AARS2: variants seen among roughly 807,000 people sequenced by gnomAD.
AARS2 encodes the protein alanyl-tRNA synthetase 2, mitochondrial, also known as alanine--tRNA ligase, mitochondrial.
In AARS2, 78 loss-of-function variants were observed where a neutral mutation model predicts 119.7. The observed-to-expected ratio is 0.65, with a 90% CI of 0.54 to 0.79. The LOEUF (loss-of-function observed/expected upper bound fraction) is 0.79. Among genes scored for constraint, AARS2 ranks in the 30% least tolerant of loss-of-function variants. The pLI, the probability that AARS2 is intolerant of heterozygous loss-of-function variation, is 0.00. For missense variants in AARS2, 1,157 were observed against 1,291.3 expected (o/e 0.90, Z 1.59); for synonymous variants, 502 against 526.3 (o/e 0.95, Z 0.63).
At chr6:44,302,287 A>G in intron 18 of AARS2, 104 bp downstream of exon 18, 1 of 1,610,280 alleles carries the variant, frequency 6.2e-7, no homozygotes, top group Non-Finnish European at 8.5e-7. Flanking sequence ...GGCCAGCTGG[A>G]GCCCAACCCA....
At position 44,299,988 on chromosome 6, in the gene AARS2, A is replaced by ATTATT. The variant is rs144166854; in HGVS notation, c.*558_*559insAATAA. 1 of 32,294 alleles carries ATTATT rather than the reference A, an allele frequency of 3.1e-5. No individual in the cohort carries two copies. Among genetic ancestry groups the ATTATT allele is most frequent in the Non-Finnish European group, 1.1e-4 (1 of 9,004 alleles). 2.0% of individuals were successfully genotyped at this position (32,294 alleles called of 1,614,324 possible). On this transcript the variant is annotated 3_prime_UTR_variant, in exon 22 of 22. Coordinates refer to ENST00000244571, the MANE Select transcript of AARS2 (RefSeq NM_020745.4). ...TCTGGAGCTTGCTATCCTCTGTGAA[A>ATTATT]TAATTATTTGAGACAGAGTCTCGCT...
In AARS2 at chr6:44,312,213, G is replaced by A. The variant is rs774583533; in HGVS notation, c.294C>T (p.Gly98=). The change falls in exon 2 of 22, where the codon GGC becomes GGT. Residue 98 remains glycine, a synonymous_variant. Transcript: ENST00000244571. ...GTVDPRSEMA[G]FRRVANSQKC... ...TCTGGCTGTTGGCCACACGTCGGAA[G>A]CCTGCCATCTCGCTTCGTGGATCCA... is the stretch of plus-strand genomic sequence containing the variant. The A allele has an allele frequency of 1.9e-6, 3 of 1,613,994 alleles. No individual in the cohort carries two copies. Among genetic ancestry groups the A allele is most frequent in the East Asian group, 2.2e-5 (1 of 44,898 alleles).
intron 5 of AARS2, among the ~76,000 whole-genome samples, chr6:44,308,745 G>A (rs1786086978): frequency 6.6e-6 from 1 of 152,082 alleles, no homozygotes; most frequent in African/African-American, 2.4e-5. Context: ...GACTACAGGT[G>A]TGTGCCACCA....
At chr6:44,312,379 A>G in intron 1 of AARS2, 116 bp from the exon 2 acceptor site, 3 of 1,050,844 alleles carry the variant, frequency 2.9e-6, no homozygotes, top group Non-Finnish European at 4.2e-6. Flanking sequence ...TGTGCCCCTG[A>G]GAGTGCAGTG....
chr6:44,309,161 T>C (rs1347462401), intron 5 of AARS2, among the ~76,000 whole-genome samples: 1 of 152,246 alleles, frequency 6.6e-6, no homozygotes, highest in Non-Finnish European at 1.5e-5. Flanking sequence ...TCTGAGCCTA[T>C]GTGTCTGCTC....
At position 44,304,456 on chromosome 6, in the gene AARS2, C is replaced by T; in HGVS notation, c.1830G>A (p.Leu610=). 6.2e-7 allele frequency: 1 copy of T among 1,614,206 alleles called. No homozygotes were observed. Among genetic ancestry groups the T allele is most frequent in the South Asian group, 1.1e-5 (1 of 91,086 alleles). Residue 610 remains leucine (L), a synonymous_variant, in exon 13 of 22, where the codon CTG becomes CTA. Coordinates refer to ENST00000244571, the MANE Select transcript of AARS2 (RefSeq NM_020745.4). ...ILHEAVAPEC[L]RLGDQVQLHV... The stretch of plus-strand genomic sequence containing the variant: ...GCAGCTGCACCTGGTCCCCTAACCG[C>T]AGGCACTCAGGGGCTACTGCCTCAT...
At chr6:44,308,609 A>AT (rs1383994156) in intron 5 of AARS2, among the ~76,000 whole-genome samples, 2 of 150,910 alleles carry the variant, frequency 1.3e-5, no homozygotes, top group South Asian at 2.1e-4. Flanking sequence ...TTATTTATTT[A>AT]TTTTTTTTGA....
In AARS2 at chr6:44,305,090, T is replaced by TGGGGC. The variant is rs777532915; in HGVS notation, c.1538_1542dup (p.Lys515AlafsTer78). On this transcript the variant is annotated frameshift_variant, in exon 11 of 22. Coordinates refer to ENST00000244571, the MANE Select transcript of AARS2 (RefSeq NM_020745.4). LOFTEE classifies it high-confidence loss of function. The surrounding 1 kb of genome is among the most constrained non-coding windows in gnomAD (Gnocchi z 4.6). ...CTGGGTCGCAGGGAGTAGTTGTACT[T>TGGGGC]GGGGCTGTCGTCAGTTGGGGGCACT... 1 of 1,614,150 alleles carries TGGGGC rather than the reference T, an allele frequency of 6.2e-7. No individual in the cohort carries two copies. The highest frequency in any genetic ancestry group is 8.5e-7 in the Non-Finnish European group (1 of 1,180,026).
chr6:44,305,828 T>C lies in AARS2; in HGVS notation c.1301-42A>G. ...CAAAGAATGTTGAGGAGGGGAGGGA[T>C]TAGACAAAGAAGGGGAGAAAAATAA... On this transcript the variant is annotated intron_variant, in intron 9 of 21. Transcript: ENST00000244571. The surrounding 1 kb of genome is among the most constrained non-coding windows in gnomAD (Gnocchi z 4.6). 6.2e-7 allele frequency: 1 copy of C among 1,610,428 alleles called. No individual in the cohort carries two copies. The highest frequency in any genetic ancestry group is 8.5e-7 in the Non-Finnish European group (1 of 1,177,104).
rs1280897559 is a variant in AARS2 at position 44,303,050 on chromosome 6, C to G, written c.2255+16G>C. 3 of 1,613,630 alleles carry G rather than the reference C, an allele frequency of 1.9e-6. No homozygotes were observed. The East Asian group carries it at 6.7e-5, about 36-fold the overall frequency. ...TCCGGGGCCCCTGGGCCAGGCAGCA[C>G]AAAGGAGTGACTCACGTCCCACAGC... On this transcript the variant is annotated intron_variant, in intron 16 of 21. Transcript: ENST00000244571.
intron 19 of AARS2, among the ~76,000 whole-genome samples, chr6:44,301,774 G>A: frequency 6.6e-6 from 1 of 152,202 alleles, no homozygotes; most frequent in South Asian, 2.1e-4. Context: ...GGGAGAAAGG[G>A]GGATCCACAG....
Position 44,302,804 on chromosome 6 carries a change from G to A in AARS2, c.2362C>T (p.Gln788Ter). 2 of 1,612,954 alleles carry A rather than the reference G, an allele frequency of 1.2e-6. No individual in the cohort carries two copies. Among genetic ancestry groups the A allele is most frequent in the Non-Finnish European group, 1.7e-6 (2 of 1,179,598 alleles). Reference sequence around the variant, plus strand: ...CCCAGGCCTACTGGCATGCTGACCTGCTGGGCCTGCTCCCCAGTGACGGCC... The same window carrying A: ...CCCAGGCCTACTGGCATGCTGACCTACTGGGCCTGCTCCCCAGTGACGGCC... ...LLAVTGEQAQ[Q>*]ARELGQSLAQ... is the part of the protein sequence containing the mutation. The change falls in exon 17 of 22, where the codon CAG becomes TAG. Residue 788 changes from glutamine (Q) to a stop codon, truncating the protein, a stop_gained and splice_region_variant. Transcript: ENST00000244571. LOFTEE classifies it high-confidence loss of function.
rs1380553942 is a variant in AARS2, at chr6:44,312,092, AG to A, written c.414del (p.Phe139LeufsTer18). 3.1e-6 allele frequency: 5 copies of A among 1,614,220 alleles called. No homozygotes were observed. Among genetic ancestry groups the A allele is most frequent in the Non-Finnish European group, 4.2e-6 (5 of 1,180,040 alleles). On this transcript the variant is annotated frameshift_variant, in exon 2 of 22. Transcript: ENST00000244571. LOFTEE classifies it high-confidence loss of function. ...CTCACCTTAAAATATTCACCCCCAA[AG>A]GCCCAATTGCCAAGCATTTCAAAGA... ...HTFFEMLGNW[A>X]FGGEYFKEEA... is the part of the protein sequence containing the mutation.
At chr6:44,311,620 C>T in intron 2 of AARS2, 85 bp from the exon 3 acceptor site, 2 of 1,504,782 alleles carry the variant, frequency 1.3e-6, no homozygotes, top group Middle Eastern at 2.3e-4. Context: ...ATGAGTTTAG[C>T]TCCCGACTTA....
Position 44,307,260 on chromosome 6 carries a change from C to T in AARS2, c.1029G>A (p.Met343Ile), listed in dbSNP as rs749997115. The T allele has an allele frequency of 8.7e-6, 14 of 1,613,876 alleles. No homozygotes were observed. Among genetic ancestry groups the T allele is most frequent in the Non-Finnish European group, 1.7e-6 (2 of 1,179,982 alleles). Residue 343 changes from methionine (M) to isoleucine (I), a missense_variant, in exon 6 of 22, where the codon ATG becomes ATA. Transcript: ENST00000244571. The surrounding 1 kb of genome is among the most constrained non-coding windows in gnomAD (Gnocchi z 4.4). ...VCISDGIFPG[M>I]SGPPLVLRRI... The stretch of plus-strand genomic sequence containing the variant: ...CCTTCCAGACTCACGGGGGACCTGA[C>T]ATCCCAGGGAAGATGCCATCAGAGA...
chr6:44,306,953 G>T lies in AARS2; in HGVS notation c.1119C>A (p.Gly373=). ...TCTCCACCACTACAGGTACCAGGCTGCCTAGGAAGCCAGGTGGTGCCTTTA... is the reference window on the plus strand; with the variant it reads ...TCTCCACCACTACAGGTACCAGGCTTCCTAGGAAGCCAGGTGGTGCCTTTA... The part of the protein sequence containing the change: ...EILKAPPGFL[G]SLVPVVVETL... Residue 373 remains glycine, a synonymous_variant, in exon 7 of 22, where the codon GGC becomes GGA. Transcript: ENST00000244571. 6.2e-7 allele frequency: 1 copy of T among 1,614,002 alleles called. No individual in the cohort carries two copies.
Position 44,313,219 on chromosome 6 carries a change from AG to A in AARS2, c.104del (p.Pro35LeufsTer8), listed in dbSNP as rs758814921. On this transcript the variant is annotated frameshift_variant, in exon 1 of 22. Transcript: ENST00000244571. LOFTEE classifies it high-confidence loss of function. ...CCCTCACGGCCGAGGCCTTGGCTGC[AG>A]GGGGCTCCGATGAGAGCGGCCGATG... The part of the protein sequence containing the change: ...LSHRPLSSEP[P>X]AAKASAVRAA... The A allele has an allele frequency of 1.9e-6, 3 of 1,602,922 alleles. No homozygotes were observed. Among genetic ancestry groups the A allele is most frequent in the East Asian group, 4.5e-5 (2 of 44,578 alleles).
intron 13 of AARS2, 32 bp from the exon 14 acceptor site, chr6:44,304,353 T>C: frequency 6.2e-7 from 1 of 1,614,002 alleles, no homozygotes; most frequent in Non-Finnish European, 8.5e-7. Context: ...GCGTCCTGGG[T>C]GAGGGCAGGG....
At position 44,305,654 on chromosome 6, in the gene AARS2, T is replaced by G. The variant is rs1261937073; in HGVS notation, c.1433A>C (p.Gln478Pro). 6.2e-7 allele frequency: 1 copy of G among 1,613,966 alleles called. No individual in the cohort carries two copies. Residue 478 changes from glutamine to proline, a missense_variant and splice_region_variant, in exon 10 of 22, where the codon CAG becomes CCG. Physicochemically the swap from Gln to Pro is moderately conservative, Grantham distance 76. Transcript: ENST00000244571. The surrounding 1 kb of genome is among the most constrained non-coding windows in gnomAD (Gnocchi z 4.6). ...GLERLAQEEA[Q>P]HRARQAEPVQ... ...AGCATGGGGTGCCACAGCTTGTACC[T>G]GGGCCTCCTCTTGGGCCAACCGCTC...
Sources: gnomAD v4.1 joint callset for allele counts (sites outside exome capture counted in the v4.1 genomes callset) on GRCh38, gnomAD v4.1.1 for gene constraint, Gnocchi (gnomAD v3.1) non-coding constraint, MANE v1.5 for transcripts, NCBI Gene and HGNC (gene_info 2026-07-23, HGNC 2026-07-21) for gene names.